Variants in PAQR5 observed in about 807,000 individuals in gnomAD.
PAQR5 encodes the protein progestin and adipoQ receptor family member 5, also known as membrane progestin receptor gamma.
Under a neutral mutation model 34.5 loss-of-function variants are expected in PAQR5, and 20 were observed. The ratio of observed to expected loss-of-function variants is 0.58; its 90% CI spans 0.41 to 0.84. The LOEUF (loss-of-function observed/expected upper bound fraction) is 0.84, where lower values mean the gene tolerates loss of function less well. Among genes scored for constraint, PAQR5 ranks in the 40% least tolerant of loss-of-function variants. The pLI, the probability that PAQR5 is intolerant of heterozygous loss-of-function variation, is 0.00. For synonymous variants in PAQR5, 131 were observed against 155.6 expected, an observed-to-expected ratio of 0.84 and a Z score of 1.18; for missense variants, 378 against 412.7, an observed-to-expected ratio of 0.92 and a Z score of 0.73.
chr15:69,311,291 G>C (rs558411459), intron 1 of PAQR5, among the ~76,000 whole-genome samples: 2 of 152,172 alleles, frequency 1.3e-5, no homozygotes, highest in South Asian at 2.1e-4. Flanking sequence ...AGTTCATCTA[G>C]GGAAGGGGCT....
chr15:69,392,782 G>A (rs900374202), intron 6 of PAQR5, among the ~76,000 whole-genome samples: 4 of 148,458 alleles, frequency 2.7e-5, no homozygotes, highest in African/African-American at 9.8e-5. Flanking sequence ...ATTGAAGGAG[G>A]TAGAACACTT....
chr15:69,308,494 C>A (rs1162101745), intron 1 of PAQR5, among the ~76,000 whole-genome samples: 2 of 152,112 alleles, frequency 1.3e-5, no homozygotes, highest in African/African-American at 4.8e-5. Flanking sequence ...CTGTGCACTG[C>A]AGGATGTATA....
Position 69,384,764 on chromosome 15 carries a change from CA to C in PAQR5, c.268del (p.Thr90ProfsTer69). ...YSWPMLVYMCTSCVYPLVSSC... is the reference protein window; with the variant it reads ...YSWPMLVYMCXSCVYPLVSSC... Reference sequence around the variant, plus strand: ...CCTGGCCCATGCTTGTGTACATGTGCACCAGCTGCGTGTACCCACTTGTGTC... The same window carrying C: ...CCTGGCCCATGCTTGTGTACATGTGCCCAGCTGCGTGTACCCACTTGTGTC... On this transcript the variant is annotated frameshift_variant, in exon 5 of 9. Transcript: ENST00000395407. LOFTEE classifies it high-confidence loss of function. The C allele has an allele frequency of 6.2e-7, 1 of 1,613,574 alleles. No individual in the cohort carries two copies. The highest frequency in any genetic ancestry group is 8.5e-7 in the Non-Finnish European group (1 of 1,179,474).
At chr15:69,380,345 A>G in intron 4 of PAQR5, 1 of 244,918 alleles carries the variant, frequency 4.1e-6, no homozygotes, top group Non-Finnish European at 7.9e-6. Context: ...AGCCCTGGTT[A>G]AAATGTCACT....
chr15:69,311,677 C>T (rs1363932867), intron 1 of PAQR5, among the ~76,000 whole-genome samples: 2 of 152,188 alleles, frequency 1.3e-5, no homozygotes, highest in Non-Finnish European at 2.9e-5. Context: ...ACCTGCTCAA[C>T]CTGCCCTGCT....
rs768354466 is a variant in PAQR5 at position 69,389,712 on chromosome 15, C to G, written c.444C>G (p.Phe148Leu). 1.2e-6 allele frequency: 2 copies of G among 1,614,196 alleles called. No homozygotes were observed. Among genetic ancestry groups the G allele is most frequent in the Non-Finnish European group, 1.7e-6 (2 of 1,180,008 alleles). ...TFPDALMCTT[F>L]HDYYVALAVL... ...CGGATGCGCTCATGTGCACCACTTT[C>G]CATGACTACTACGTGGCCCTGGCTG... The change falls in exon 6 of 9, where the codon TTC (phenylalanine) becomes TTG (leucine). Residue 148 changes from phenylalanine (F) to leucine (L), a missense_variant. Physicochemically the swap from Phe to Leu is conservative, Grantham distance 22 (BLOSUM62 0). Coordinates refer to ENST00000395407, the MANE Select transcript of PAQR5 (RefSeq NM_017705.4).
chr15:69,379,935 C>T lies in PAQR5; in HGVS notation c.104C>T (p.Ala35Val), dbSNP rs2055834608. The change falls in exon 4 of 9, where the codon GCC becomes GTC. Residue 35 changes from alanine (A) to valine (V), a missense_variant. Transcript: ENST00000395407. The part of the protein sequence containing the change: ...LFGYRHPQSS[A>V]TACILSLFQM... ...GGCTACCGCCATCCACAGAGTTCTGCCACTGCCTGCATCCTCAGCCTTTTC... is the reference window on the plus strand; with the variant it reads ...GGCTACCGCCATCCACAGAGTTCTGTCACTGCCTGCATCCTCAGCCTTTTC... 6.2e-7 allele frequency: 1 copy of T among 1,614,054 alleles called. No individual in the cohort carries two copies. The highest frequency in any genetic ancestry group is 1.7e-5 in the Admixed American group (1 of 60,018).
chr15:69,394,294 G>A (rs1483313291), intron 6 of PAQR5, among the ~76,000 whole-genome samples: 1 of 152,098 alleles, frequency 6.6e-6, no homozygotes, highest in Non-Finnish European at 1.5e-5. Context: ...GCTGGAGGTA[G>A]AAGGCTCAGC....
chr15:69,396,212 C>T (rs1595942080), intron 6 of PAQR5, among the ~76,000 whole-genome samples: 2 of 149,096 alleles, frequency 1.3e-5, no homozygotes, highest in Non-Finnish European at 3.0e-5. Flanking sequence ...TTTACTGGCT[C>T]ATACGAGATA....
chr15:69,395,137 G>T (rs1356752376), intron 6 of PAQR5, among the ~76,000 whole-genome samples: 1 of 152,206 alleles, frequency 6.6e-6, no homozygotes, highest in Non-Finnish European at 1.5e-5. Context: ...CACAGGGCAG[G>T]AGGGGGCGGC....
intron 3 of PAQR5, among the ~76,000 whole-genome samples, chr15:69,370,394 G>A (rs1048652484): frequency 1.3e-5 from 2 of 152,166 alleles, no homozygotes; most frequent in Non-Finnish European, 2.9e-5. Flanking sequence ...TCTGAATAAG[G>A]AGGACAAATG....
At chr15:69,309,328 G>C (rs1401759340) in intron 1 of PAQR5, among the ~76,000 whole-genome samples, 1 of 152,238 alleles carries the variant, frequency 6.6e-6, no homozygotes, top group Non-Finnish European at 1.5e-5. Flanking sequence ...CAGGCGCAGG[G>C]CATGGGCCAC....
At chr15:69,381,657 G>A (rs1486439699) in intron 4 of PAQR5, among the ~76,000 whole-genome samples, 1 of 152,164 alleles carries the variant, frequency 6.6e-6, no homozygotes, top group Non-Finnish European at 1.5e-5. Flanking sequence ...TCTCAGAGAT[G>A]ATCCTGACTG....
intron 2 of PAQR5, 31 bp from the exon 3 acceptor site, chr15:69,359,935 G>T (rs1198479746): frequency 1.5e-6 from 1 of 656,814 alleles, no homozygotes; most frequent in Admixed American, 2.5e-5. Context: ...GGCTGAAACT[G>T]ACTGGATTTC....
At chr15:69,389,854 G>A (rs2056209556) in intron 6 of PAQR5, 74 bp downstream of exon 6, 3 of 1,550,250 alleles carry the variant, frequency 1.9e-6, no homozygotes, top group East Asian at 2.3e-5. Flanking sequence ...CTTTGAGGGA[G>A]CCGGGGAAGA....
intron 2 of PAQR5, among the ~76,000 whole-genome samples, chr15:69,352,920 T>A (rs889533843): frequency 6.6e-6 from 1 of 152,232 alleles, no homozygotes; most frequent in African/African-American, 2.4e-5. Flanking sequence ...TATTTGTGTC[T>A]CATGTTAGCA....
intron 1 of PAQR5, among the ~76,000 whole-genome samples, chr15:69,320,301 C>G (rs1230416628): frequency 2.0e-5 from 3 of 152,258 alleles, no homozygotes; most frequent in Non-Finnish European, 1.5e-5. Flanking sequence ...CTCCTCTTAC[C>G]TGGGACCAGC....
At chr15:69,323,736 A>G (rs1432715879) in intron 1 of PAQR5, among the ~76,000 whole-genome samples, 3 of 152,236 alleles carry the variant, frequency 2.0e-5, no homozygotes, top group Non-Finnish European at 4.4e-5. Context: ...GCAAATCCCT[A>G]GATTTGCTGA....
chr15:69,354,024 A>G (rs1317331580), intron 2 of PAQR5, among the ~76,000 whole-genome samples: 1 of 152,208 alleles, frequency 6.6e-6, no homozygotes, highest in African/African-American at 2.4e-5. Context: ...TATGTCTGGA[A>G]TACAGGAAAG....
Sources: gnomAD v4.1 joint callset for allele counts (sites outside exome capture counted in the v4.1 genomes callset) on GRCh38, gnomAD v4.1.1 for gene constraint, MANE v1.5 for transcripts, NCBI Gene and HGNC (gene_info 2026-07-23, HGNC 2026-07-21) for gene names.